BLTP3A: variants seen among roughly 807,000 people sequenced by gnomAD.
The protein encoded by BLTP3A is ICBP90 binding protein 1.
At chr6:34,834,923 T>A in the BLTP3A span, 2 of 1,575,966 alleles carry the variant, frequency 1.3e-6, no homozygotes, top group Non-Finnish European at 1.7e-6. Context: ...CAGCCTGGAT[T>A]TGGTATTCCC....
chr6:34,858,032 C>T, the BLTP3A span: 2 of 1,557,728 alleles, frequency 1.3e-6, no homozygotes, highest in South Asian at 1.2e-5. Context: ...AATAGTTTCA[C>T]AGCCCAAAGG....
the BLTP3A span, chr6:34,858,596 A>C: frequency 6.2e-7 from 1 of 1,614,082 alleles, no homozygotes; most frequent in Non-Finnish European, 8.5e-7. Flanking sequence ...TTGGCCTCAG[A>C]GGGGAGGCTG....
chr6:34,850,459 C>T, the BLTP3A span, among the ~76,000 whole-genome samples: 1 of 152,066 alleles, frequency 6.6e-6, no homozygotes, highest in Non-Finnish European at 1.5e-5. Flanking sequence ...CCAATGTCTC[C>T]TTCTACCTCC....
chr6:34,814,058 C>T, the BLTP3A span, among the ~76,000 whole-genome samples: 1 of 151,206 alleles, frequency 6.6e-6, no homozygotes, highest in East Asian at 2.0e-4. Context: ...GCTATGTCGC[C>T]CAGGCTGGAG....
the BLTP3A span, chr6:34,858,968 T>C: frequency 3.1e-6 from 5 of 1,613,946 alleles, no homozygotes; most frequent in African/African-American, 1.3e-5. Flanking sequence ...ACAGCTTGCA[T>C]TGGAGTTCTC....
At chr6:34,816,144 G>A in the BLTP3A span, among the ~76,000 whole-genome samples, 16 of 152,276 alleles carry the variant, frequency 1.1e-4, no homozygotes, top group East Asian at 2.9e-3. Flanking sequence ...AGAACACAAC[G>A]TAGAAATTAG....
the BLTP3A span, chr6:34,857,277 G>A: frequency 6.2e-7 from 1 of 1,605,566 alleles, no homozygotes; most frequent in Non-Finnish European, 8.5e-7. Context: ...CAGAAATGGA[G>A]GGCTGCTCTA....
the BLTP3A span, chr6:34,835,193 G>C: frequency 8.0e-7 from 1 of 1,257,596 alleles, no homozygotes; most frequent in Non-Finnish European, 1.1e-6. Context: ...TTCACATATT[G>C]GAGATTGAAA....
the BLTP3A span, among the ~76,000 whole-genome samples, chr6:34,794,792 T>A: frequency 3.9e-5 from 2 of 50,868 alleles, no homozygotes; most frequent in Non-Finnish European, 6.8e-5. Flanking sequence ...GTTTTTTTGT[T>A]TTTTTTTTTT....
At chr6:34,822,042 C>T in the BLTP3A span, 1 of 1,527,822 alleles carries the variant, frequency 6.5e-7, no homozygotes, top group Non-Finnish European at 9.0e-7. Context: ...ATAGGCTAAC[C>T]CTTTTAGGAA....
At chr6:34,817,516 G>A in the BLTP3A span, among the ~76,000 whole-genome samples, 43 of 152,270 alleles carry the variant, frequency 2.8e-4, no homozygotes, top group South Asian at 7.5e-3. Flanking sequence ...CTGGATCAGA[G>A]ACAAAGGACT....
the BLTP3A span, among the ~76,000 whole-genome samples, chr6:34,819,813 A>T: frequency 1.1e-4 from 17 of 152,320 alleles, no homozygotes; most frequent in Non-Finnish European, 2.2e-4. Flanking sequence ...GCAGTGAGAA[A>T]TAGTGAGAGG....
chr6:34,853,240 T>A, the BLTP3A span, among the ~76,000 whole-genome samples: 1 of 152,142 alleles, frequency 6.6e-6, no homozygotes, highest in African/African-American at 2.4e-5. Flanking sequence ...AGTGCAGTTA[T>A]GTGATCACGG....
the BLTP3A span, chr6:34,871,883 A>C: frequency 1.9e-6 from 3 of 1,614,212 alleles, no homozygotes; most frequent in Admixed American, 3.3e-5. Flanking sequence ...CCCCAAAAGA[A>C]CAGGTGTTTT....
chr6:34,834,226 C>T, the BLTP3A span: 1 of 1,613,490 alleles, frequency 6.2e-7, no homozygotes, highest in Non-Finnish European at 8.5e-7. Context: ...GTGAATATGG[C>T]TTTGCCGAAA....
At chr6:34,853,543 C>T in the BLTP3A span, among the ~76,000 whole-genome samples, 1 of 151,962 alleles carries the variant, frequency 6.6e-6, no homozygotes, top group Non-Finnish European at 1.5e-5. Flanking sequence ...TGCTCTACCT[C>T]CTCCTCTAAA....
chr6:34,867,853 C>T, the BLTP3A span, among the ~76,000 whole-genome samples: 1 of 152,140 alleles, frequency 6.6e-6, no homozygotes, highest in Non-Finnish European at 1.5e-5. Context: ...CCAGGTACTC[C>T]TGGAGCTTAT....
the BLTP3A span, among the ~76,000 whole-genome samples, chr6:34,843,271 A>G: frequency 6.6e-6 from 1 of 151,782 alleles, no homozygotes; most frequent in South Asian, 2.1e-4. Flanking sequence ...GGTGTGATCC[A>G]CTGTGCCTGG....
chr6:34,829,962 G>A, the BLTP3A span, among the ~76,000 whole-genome samples: 1 of 151,872 alleles, frequency 6.6e-6, no homozygotes, highest in Non-Finnish European at 1.5e-5. Flanking sequence ...CTGCCATCAC[G>A]CCTCACTGAT....
Sources: gnomAD v4.1 joint callset for allele counts (sites outside exome capture counted in the v4.1 genomes callset) on GRCh38, gnomAD v4.1.1 for gene constraint, MANE v1.5 for transcripts, NCBI Gene and HGNC (gene_info 2026-07-23, HGNC 2026-07-21) for gene names.